The following SLC35E3 variants were observed in gnomAD, a reference collection of about 807,000 sequenced individuals.
SLC35E3 encodes the protein solute carrier family 35 member E3.
In SLC35E3, 28 loss-of-function variants were observed where a neutral mutation model predicts 30.8. The ratio of observed to expected loss-of-function variants is 0.91; its 90% confidence interval spans 0.67 to 1.25. The LOEUF is 1.25. Ranked by LOEUF, SLC35E3 falls within the 50% of genes most tolerant of loss-of-function variation. The pLI is 0.00. For missense variants in SLC35E3, 365 were observed against 375.4 expected (o/e 0.97, Z 0.23); for synonymous variants, 146 against 149.2 (o/e 0.98, Z 0.16).
chr12:68,751,303 T>TTG (rs71457070), intron 2 of SLC35E3, among the ~76,000 whole-genome samples: 71 of 69,500 alleles, frequency 1.0e-3, no homozygotes, highest in East Asian at 5.9e-3. Context: ...CTGTCTTTGT[T>TTG]TTTTTTTTTT....
intron 3 of SLC35E3, among the ~76,000 whole-genome samples, chr12:68,755,653 A>G (rs1360595296): frequency 1.3e-5 from 2 of 152,136 alleles, no homozygotes; most frequent in African/African-American, 2.4e-5. Flanking sequence ...GTCATGGTGG[A>G]AGGTGAAGGG....
At chr12:68,747,056 T>C (rs1435621156) in intron 1 of SLC35E3, among the ~76,000 whole-genome samples, 1 of 152,152 alleles carries the variant, frequency 6.6e-6, no homozygotes, top group East Asian at 1.9e-4. Flanking sequence ...GGTGGTACAG[T>C]CCAGTGTTAT....
chr12:68,758,157 C>T (rs1879097709), intron 3 of SLC35E3, among the ~76,000 whole-genome samples: 1 of 150,624 alleles, frequency 6.6e-6, no homozygotes, highest in Non-Finnish European at 1.5e-5. Context: ...TGCAGTGGCT[C>T]ACGCCTGTAA....
In SLC35E3 at chr12:68,771,077, C is replaced by G. The variant is rs1879590031; in HGVS notation, c.*6187C>G. 6.6e-6 allele frequency: 1 copy of G among 152,058 alleles called. No homozygotes were observed. Among genetic ancestry groups the G allele is most frequent in the African/African-American group, 2.4e-5 (1 of 41,360 alleles). 9.4% of individuals were successfully genotyped at this position (152,058 alleles called of 1,614,324 possible). A position where few individuals can be genotyped will look rare whatever the true frequency, so the allele number is the denominator to read the frequency against. ...TCACTTCAGATCAGGAGTTTGAGAC[C>G]AGCCTGACCAACATGGTGAAACCCC... On this transcript the variant is annotated 3_prime_UTR_variant, in exon 5 of 5. Transcript: ENST00000398004.
At chr12:68,764,059 C>T (rs555781508) in intron 4 of SLC35E3, among the ~76,000 whole-genome samples, 2 of 152,184 alleles carry the variant, frequency 1.3e-5, no homozygotes, top group Non-Finnish European at 2.9e-5. Context: ...CCCTCCTTAA[C>T]TCAAGTTAGC....
At chr12:68,746,823 C>G (rs373865143) in intron 1 of SLC35E3, 44 bp downstream of exon 1, 2 of 1,520,452 alleles carry the variant, frequency 1.3e-6, no homozygotes, top group East Asian at 2.3e-5. Context: ...CCCGACCCAC[C>G]TCCTGCACTG....
intron 3 of SLC35E3, among the ~76,000 whole-genome samples, chr12:68,758,480 G>A (rs1177955927): frequency 6.6e-6 from 1 of 151,528 alleles, no homozygotes; most frequent in Non-Finnish European, 1.5e-5. Context: ...TGGGTGGTTG[G>A]GATTATAAGA....
intron 2 of SLC35E3, among the ~76,000 whole-genome samples, chr12:68,749,641 T>C (rs902834349): frequency 2.6e-5 from 4 of 152,130 alleles, no homozygotes; most frequent in Non-Finnish European, 4.4e-5. Context: ...TGGCAGCTCT[T>C]AAAGAGGGGC....
intron 3 of SLC35E3, among the ~76,000 whole-genome samples, chr12:68,757,953 G>C (rs1000163438): frequency 1.3e-5 from 2 of 151,800 alleles, no homozygotes; most frequent in Non-Finnish European, 2.9e-5. Context: ...TTAGGTGGGT[G>C]TGGTGGCATG....
rs1191596458 is a variant in SLC35E3 at position 68,747,829 on chromosome 12, T to A, written c.403-101T>A. The A allele has an allele frequency of 8.1e-6, 5 of 619,138 alleles. No homozygotes were observed. In the African/African-American group the frequency reaches 9.2e-5, roughly 11 times the overall value. 38.4% of individuals were successfully genotyped at this position (619,138 alleles called of 1,614,324 possible). Reference sequence around the variant, plus strand: ...TTTATACAGGTTCATTGTTTCCCAGTTATGTGTTTATCATTAGCCTTGTAA... The same window carrying A: ...TTTATACAGGTTCATTGTTTCCCAGATATGTGTTTATCATTAGCCTTGTAA... On this transcript the variant is annotated intron_variant, in intron 1 of 4. Transcript: ENST00000398004.
intron 1 of SLC35E3, 119 bp from the exon 2 acceptor site, chr12:68,747,811 A>G: frequency 1.8e-6 from 1 of 558,230 alleles, no homozygotes; most frequent in Non-Finnish European, 3.2e-6. Context: ...ACATTTATAC[A>G]GGTTCATTGT....
chr12:68,765,251 C>A lies in SLC35E3; in HGVS notation c.*361C>A. 6.7e-6 allele frequency: 1 copy of A among 148,422 alleles called. No individual in the cohort carries two copies. The highest frequency in any genetic ancestry group is 1.5e-5 in the Non-Finnish European group (1 of 68,446). The allele number at this position is 148,422 out of a possible 1,614,324, so 9.2% of individuals were successfully genotyped here. A position where few individuals can be genotyped will look rare whatever the true frequency, so the allele number is the denominator to read the frequency against. ...AGCCTGGGCAACAAGAGCGAAACTC[C>A]ATTTCAAAAAAAAAAAATTGGTGAC... is the stretch of plus-strand genomic sequence containing the variant. On this transcript the variant is annotated 3_prime_UTR_variant, in exon 5 of 5. Transcript: ENST00000398004.
chr12:68,777,197 A>G lies in SLC35E3; in HGVS notation c.*12307A>G, dbSNP rs1228557166. On this transcript the variant is annotated 3_prime_UTR_variant, in exon 5 of 5. Transcript: ENST00000398004. ...GACCATAGTGGGAGACAGCTGCATC[A>G]GAGGCCTCCCAGTGCCATAGGACCA... is the stretch of plus-strand genomic sequence containing the variant. 2 of 152,212 alleles carry G rather than the reference A, an allele frequency of 1.3e-5. No homozygotes were observed. The highest frequency in any genetic ancestry group is 4.8e-5 in the African/African-American group (2 of 41,462). The allele number at this position is 152,212 out of a possible 1,614,324, so 9.4% of individuals were successfully genotyped here.
intron 2 of SLC35E3, among the ~76,000 whole-genome samples, chr12:68,751,571 G>C (rs548620466): frequency 2.6e-5 from 4 of 152,244 alleles, no homozygotes; most frequent in African/African-American, 9.6e-5. Context: ...TGGGATTACA[G>C]GTGTCAGCCA....
chr12:68,758,544 T>C (rs772693964), intron 3 of SLC35E3, among the ~76,000 whole-genome samples: 1 of 152,132 alleles, frequency 6.6e-6, no homozygotes, highest in Non-Finnish European at 1.5e-5. Context: ...ATAATAATAA[T>C]GCATATGTAT....
In SLC35E3 at chr12:68,772,494, C is replaced by T. The variant is rs1219665096; in HGVS notation, c.*7604C>T. 1 of 152,038 alleles carries T rather than the reference C, an allele frequency of 6.6e-6. No homozygotes were observed. The highest frequency in any genetic ancestry group is 1.5e-5 in the Non-Finnish European group (1 of 68,008). The allele number at this position is 152,038 out of a possible 1,614,324, so 9.4% of individuals were successfully genotyped here. ...TCTGATGTATCGAAGTTACTTTATA[C>T]TTCATATGAAGTCATTAGGAGGTGA... On this transcript the variant is annotated 3_prime_UTR_variant, in exon 5 of 5. Coordinates refer to ENST00000398004, the MANE Select transcript of SLC35E3 (RefSeq NM_018656.5).
Position 68,779,309 on chromosome 12 carries a change from G to A in SLC35E3, c.*14419G>A, listed in dbSNP as rs1287223842. The stretch of plus-strand genomic sequence containing the variant: ...ATATTTGGTAGGTTTTAAATGAAAA[G>A]ATTTTTGTTTTCTGTACATTTATTT... On this transcript the variant is annotated 3_prime_UTR_variant, in exon 5 of 5. Transcript: ENST00000398004. 2 of 152,062 alleles carry A rather than the reference G, an allele frequency of 1.3e-5. No homozygotes were observed. The highest frequency in any genetic ancestry group is 1.3e-4 in the Admixed American group (2 of 15,250). 9.4% of individuals were successfully genotyped at this position (152,062 alleles called of 1,614,324 possible). A position where few individuals can be genotyped will look rare whatever the true frequency, so the allele number is the denominator to read the frequency against.
rs1879143050 is a variant in SLC35E3, at chr12:68,759,052, A to G, written c.673-105A>G. 4 of 866,152 alleles carry G rather than the reference A, an allele frequency of 4.6e-6. No individual in the cohort carries two copies. In the Admixed American group the frequency reaches 8.6e-5, roughly 19 times the overall value. 53.7% of individuals were successfully genotyped at this position (866,152 alleles called of 1,614,324 possible). On this transcript the variant is annotated intron_variant, in intron 3 of 4. Coordinates refer to ENST00000398004, the MANE Select transcript of SLC35E3 (RefSeq NM_018656.5). ...CCCTCTCTTTCTAATCTTATTTATT[A>G]ATGGTTGATATTTGAATTTTTTAAA...
intron 3 of SLC35E3, among the ~76,000 whole-genome samples, chr12:68,756,940 G>A (rs897114787): frequency 4.6e-5 from 7 of 152,152 alleles, no homozygotes; most frequent in Non-Finnish European, 8.8e-5. Flanking sequence ...GCGTGAACCC[G>A]CGAGGCGGAG....
Sources: allele counts gnomAD v4.1 joint callset (sites outside exome capture counted in the v4.1 genomes callset), GRCh38; gene constraint gnomAD v4.1.1; transcripts MANE v1.5; gene names NCBI Gene and HGNC (gene_info 2026-07-23, HGNC 2026-07-21).